The following CCDC148 variants were observed in gnomAD, a reference collection of about 807,000 sequenced individuals.
CCDC148 encodes coiled-coil domain-containing protein 148.
Under a neutral mutation model 85.7 loss-of-function variants are expected in CCDC148, and 89 were observed. The observed-to-expected ratio is 1.04, with a 90% CI of 0.87 to 1.24. The LOEUF (loss-of-function observed/expected upper bound fraction) is 1.24. Ranked by LOEUF, CCDC148 falls within the 50% of genes most tolerant of loss-of-function variation. The pLI, the probability that CCDC148 is intolerant of heterozygous loss-of-function variation, is 0.00. For synonymous variants in CCDC148, 230 were observed against 213.9 expected, an observed-to-expected ratio of 1.08 and a Z score of -0.66; for missense variants, 692 against 671.7, an observed-to-expected ratio of 1.03 and a Z score of -0.33.
intron 1 of CCDC148, among the ~76,000 whole-genome samples, chr2:158,448,810 T>C (rs1484759594): frequency 6.6e-6 from 1 of 151,992 alleles, no homozygotes; most frequent in Non-Finnish European, 1.5e-5. Flanking sequence ...AATTGGGTTT[T>C]TGTTGTTGTT....
At chr2:158,340,214 T>C (rs1305802380) in intron 5 of CCDC148, 28 bp downstream of exon 5, 1 of 1,604,168 alleles carries the variant, frequency 6.2e-7, no homozygotes, top group African/African-American at 1.3e-5. Flanking sequence ...AAATATTACA[T>C]TATGGAAAAT....
In CCDC148 at chr2:158,309,654, G is replaced by T; in HGVS notation, c.904-15C>A. On this transcript the variant is annotated splice_polypyrimidine_tract_variant and intron_variant, in intron 8 of 13. Transcript: ENST00000283233. ...TCGTGTTCAACCTGAAAAGATAACA[G>T]AGGGTGAATACTTATCATTATGAAA... 1 of 1,563,732 alleles carries T rather than the reference G, an allele frequency of 6.4e-7. No individual in the cohort carries two copies. The highest frequency in any genetic ancestry group is 2.2e-5 in the East Asian group (1 of 44,532).
At chr2:158,334,704 A>C (rs1693331045) in intron 7 of CCDC148, among the ~76,000 whole-genome samples, 1 of 152,000 alleles carries the variant, frequency 6.6e-6, no homozygotes, top group Non-Finnish European at 1.5e-5. Flanking sequence ...CTTTATTGTA[A>C]ATTAAATCAT....
chr2:158,353,084 C>T (rs1289183608), intron 2 of CCDC148, among the ~76,000 whole-genome samples: 2 of 151,842 alleles, frequency 1.3e-5, no homozygotes, highest in African/African-American at 4.9e-5. Context: ...AAGCCCTAAA[C>T]ACGGAAAAGA....
At chr2:158,391,391 G>C (rs1031548458) in intron 1 of CCDC148, among the ~76,000 whole-genome samples, 2 of 152,098 alleles carry the variant, frequency 1.3e-5, no homozygotes, top group Non-Finnish European at 2.9e-5. Flanking sequence ...TAAAATTTTA[G>C]AGAACATTTA....
intron 11 of CCDC148, among the ~76,000 whole-genome samples, chr2:158,187,549 A>G (rs571103021): frequency 8.3e-4 from 126 of 152,134 alleles, no homozygotes; most frequent in African/African-American, 2.9e-3. Flanking sequence ...CTCTATGGAA[A>G]CTACTTTCCC....
chr2:158,294,046 TTCCTTCCTTCCTTCCTTCC>T (rs1206951154), intron 9 of CCDC148, among the ~76,000 whole-genome samples: 5 of 82,122 alleles, frequency 6.1e-5, no homozygotes, highest in Admixed American at 4.5e-4. Flanking sequence ...CCTTCCTTCC[TTCCTTCCTTCCTTCCTTCC>T]GCCTTGGAAA....
intron 11 of CCDC148, among the ~76,000 whole-genome samples, chr2:158,216,034 C>A (rs565813234): frequency 3.9e-5 from 6 of 152,124 alleles, no homozygotes; most frequent in Non-Finnish European, 7.3e-5. Context: ...GTTCAAGTCA[C>A]CCAGTCTATG....
intron 12 of CCDC148, among the ~76,000 whole-genome samples, chr2:158,177,164 G>C (rs1558958442): frequency 1.3e-5 from 2 of 151,832 alleles, no homozygotes; most frequent in Non-Finnish European, 2.9e-5. Context: ...CAAGGTGGGT[G>C]AATTTCCTTT....
At chr2:158,256,482 AAAT>A (rs1238169052) in intron 9 of CCDC148, among the ~76,000 whole-genome samples, 2 of 151,836 alleles carry the variant, frequency 1.3e-5, no homozygotes, top group African/African-American at 2.4e-5. Context: ...TAAACCTTTT[AAAT>A]AATAATAATT....
At chr2:158,305,397 C>T (rs574543610) in intron 9 of CCDC148, among the ~76,000 whole-genome samples, 5 of 152,210 alleles carry the variant, frequency 3.3e-5, no homozygotes, top group African/African-American at 1.2e-4. Flanking sequence ...TGCAGAATGC[C>T]CCTTCCGCTA....
chr2:158,218,270 T>C (rs1381332232), intron 11 of CCDC148, among the ~76,000 whole-genome samples: 2 of 152,198 alleles, frequency 1.3e-5, no homozygotes, highest in Admixed American at 1.3e-4. Context: ...AGTTCAACTT[T>C]ACAGAGGACA....
At chr2:158,318,729 AG>A (rs1692395743) in intron 7 of CCDC148, among the ~76,000 whole-genome samples, 1 of 151,926 alleles carries the variant, frequency 6.6e-6, no homozygotes, top group African/African-American at 2.4e-5. Context: ...GTAGTTTTCT[AG>A]TGGAAGTTTT....
chr2:158,236,279 C>T (rs1688102751), intron 10 of CCDC148: 1 of 152,140 alleles, frequency 6.6e-6, no homozygotes, highest in South Asian at 2.1e-4. Flanking sequence ...GTCCTTATAA[C>T]ATGATGAGCC....
intron 1 of CCDC148, among the ~76,000 whole-genome samples, chr2:158,452,004 T>C (rs749829656): frequency 2.6e-5 from 4 of 152,202 alleles, no homozygotes; most frequent in Non-Finnish European, 4.4e-5. Context: ...TTTATTTAAG[T>C]ATGACCTTAT....
chr2:158,393,978 G>C (rs1410759811), intron 1 of CCDC148, among the ~76,000 whole-genome samples: 1 of 152,032 alleles, frequency 6.6e-6, no homozygotes, highest in African/African-American at 2.4e-5. Flanking sequence ...AATGACCAAA[G>C]AGCCTTCCGA....
intron 11 of CCDC148, among the ~76,000 whole-genome samples, chr2:158,217,327 T>TATATAA (rs1354006374): frequency 1.1e-4 from 15 of 141,234 alleles, no homozygotes; most frequent in African/African-American, 3.7e-4. Context: ...TATATATATA[T>TATATAA]AATTTTGTGT....
chr2:158,337,438 G>A (rs1045558751), intron 7 of CCDC148, among the ~76,000 whole-genome samples: 2 of 152,188 alleles, frequency 1.3e-5, no homozygotes, highest in Non-Finnish European at 1.5e-5. Flanking sequence ...TTGGGATGGG[G>A]AGTGGGAAGA....
intron 9 of CCDC148, among the ~76,000 whole-genome samples, chr2:158,287,353 C>T (rs1401773763): frequency 6.6e-6 from 1 of 152,132 alleles, no homozygotes; most frequent in African/African-American, 2.4e-5. Context: ...CTCATTTCAG[C>T]ATTAACCCAA....
Sources: allele counts gnomAD v4.1 joint callset (sites outside exome capture counted in the v4.1 genomes callset), GRCh38; gene constraint gnomAD v4.1.1; transcripts MANE v1.5; gene names NCBI Gene and HGNC (gene_info 2026-07-23, HGNC 2026-07-21).